The following TDP2 variants were observed in gnomAD, a reference collection of about 807,000 sequenced individuals.
TDP2 encodes the protein tyrosyl-DNA phosphodiesterase 2.
TDP2 carries 38 observed loss-of-function variants against 42.8 expected under a neutral mutation model. The observed-to-expected ratio is 0.89, with a 90% CI of 0.68 to 1.16. TDP2 has a LOEUF of 1.16. Among genes scored for constraint, TDP2 ranks in the 50% most tolerant of loss-of-function variants. The pLI is 0.00. For missense variants in TDP2, 439 were observed against 439.3 expected (o/e 1.00, Z 0.01); for synonymous variants, 173 against 150.6 (o/e 1.15, Z -1.09).
intron 2 of TDP2, 177 bp downstream of exon 2, chr6:24,666,349 G>C: frequency 1.4e-6 from 2 of 1,480,378 alleles, no homozygotes; most frequent in Non-Finnish European, 1.8e-6. Flanking sequence ...TAGATCCGCT[G>C]CTGGGGCGCA....
intron 5 of TDP2, among the ~76,000 whole-genome samples, 190 bp downstream of exon 5, chr6:24,654,222 C>G (rs1778022199): frequency 6.6e-6 from 1 of 152,080 alleles, no homozygotes; most frequent in African/African-American, 2.4e-5. Context: ...AAACAATAGA[C>G]TGAGAATTCT....
chr6:24,659,459 A>C (rs1023020619), intron 2 of TDP2, among the ~76,000 whole-genome samples: 5 of 152,100 alleles, frequency 3.3e-5, no homozygotes, highest in Admixed American at 2.0e-4. Flanking sequence ...AAACCTTCTA[A>C]ATTGATTTAG....
chr6:24,666,634 A>G lies in TDP2; in HGVS notation c.166-23T>C, dbSNP rs574259087. ...CCTCTGAAAAACAAAGGCACAAGGG[A>G]TGAGGTTTGTGCGCTCCACCGACCT... is the stretch of plus-strand genomic sequence containing the variant. On this transcript the variant is annotated intron_variant, in intron 1 of 6. Coordinates refer to ENST00000378198, the MANE Select transcript of TDP2 (RefSeq NM_016614.3). 7 of 1,614,028 alleles carry G rather than the reference A, an allele frequency of 4.3e-6. No homozygotes were observed. In the East Asian group the frequency reaches 1.6e-4, roughly 36 times the overall value.
chr6:24,652,632 C>T (rs1354222300), intron 6 of TDP2, among the ~76,000 whole-genome samples: 4 of 151,936 alleles, frequency 2.6e-5, no homozygotes, highest in Non-Finnish European at 5.9e-5. Context: ...CCAATCTTTC[C>T]ATTGTTCTCA....
At chr6:24,656,106 G>A (rs563761439) in intron 4 of TDP2, among the ~76,000 whole-genome samples, 2 of 152,190 alleles carry the variant, frequency 1.3e-5, no homozygotes, top group South Asian at 4.1e-4. Context: ...TAAAAACAAT[G>A]CAGGGAAAGA....
intron 2 of TDP2, chr6:24,665,952 TAA>T: frequency 1.1e-6 from 1 of 880,838 alleles, no homozygotes; most frequent in Middle Eastern, 3.3e-4. Flanking sequence ...TGGAAAAAAG[TAA>T]AAGTTTGATA....
rs529904089 is a variant in TDP2, at chr6:24,653,163, G to A, written c.637-10C>T. The A allele has an allele frequency of 3.7e-6, 6 of 1,613,578 alleles. No individual in the cohort carries two copies. The highest frequency in any genetic ancestry group is 1.6e-4 in the Middle Eastern group (1 of 6,062). On this transcript the variant is annotated splice_polypyrimidine_tract_variant and intron_variant, in intron 5 of 6. Transcript: ENST00000378198. ...TTCCTGACACGTTCACCTGCAGCAG[G>A]ACAAACAGTCATTAAAACTGTCCAC...
intron 3 of TDP2, 48 bp downstream of exon 3, chr6:24,658,513 G>T: frequency 6.9e-7 from 1 of 1,459,522 alleles, no homozygotes; most frequent in Non-Finnish European, 9.3e-7. Flanking sequence ...CTGTTACTTT[G>T]TATATACATA....
chr6:24,666,046 G>A, intron 2 of TDP2: 1 of 1,497,712 alleles, frequency 6.7e-7, no homozygotes, highest in Non-Finnish European at 8.9e-7. Flanking sequence ...CTTTTTAAGT[G>A]CAGGAACTGG....
chr6:24,666,672 C>A (rs773122729), intron 1 of TDP2, 26 bp downstream of exon 1: 20 of 1,613,990 alleles, frequency 1.2e-5, no homozygotes, highest in African/African-American at 2.7e-5. Context: ...GTAATGGAGC[C>A]GGAAGCGAGG....
At chr6:24,651,339 T>G (rs1777971637) in intron 6 of TDP2, among the ~76,000 whole-genome samples, 1 of 152,178 alleles carries the variant, frequency 6.6e-6, no homozygotes, top group South Asian at 2.1e-4. Flanking sequence ...CTTAGAAGGC[T>G]GAATATACAT....
chr6:24,666,133 G>C, intron 2 of TDP2: 1 of 1,548,616 alleles, frequency 6.5e-7, no homozygotes. Flanking sequence ...TATTCTGGCC[G>C]GTCAGCCTAG....
At chr6:24,661,651 T>C (rs939753574) in intron 2 of TDP2, among the ~76,000 whole-genome samples, 2 of 152,244 alleles carry the variant, frequency 1.3e-5, no homozygotes, top group Admixed American at 1.3e-4. Flanking sequence ...TAGATGAACT[T>C]AATGTCAATT....
intron 6 of TDP2, 71 bp from the exon 7 acceptor site, chr6:24,651,140 AAG>A (rs1466430637): frequency 5.6e-6 from 7 of 1,257,970 alleles, no homozygotes; most frequent in African/African-American, 3.0e-5. Flanking sequence ...AAAAAAAAAA[AAG>A]GTGTTTTTGC....
intron 6 of TDP2, among the ~76,000 whole-genome samples, chr6:24,652,725 A>C (rs1340426088): frequency 6.7e-6 from 1 of 149,944 alleles, no homozygotes; most frequent in East Asian, 1.9e-4. Flanking sequence ...TTCTAATCCT[A>C]TATATATATA....
chr6:24,657,925 T>C, intron 3 of TDP2, 22 bp from the exon 4 acceptor site: 2 of 1,434,168 alleles, frequency 1.4e-6, no homozygotes, highest in Non-Finnish European at 9.6e-7. Context: ...CATCAATTTA[T>C]GACAAATACC....
At position 24,653,093 on chromosome 6, in the gene TDP2, G is replaced by A. The variant is rs1377771801; in HGVS notation, c.697C>T (p.His233Tyr). ...MTSHLESTRG[H>Y]AAERMNQLKM... ...AACTGATTCATTCGTTCCGCAGCATGCCCTCTGGTGCTCTCCAAATGGGAT... is the reference window on the plus strand; with the variant it reads ...AACTGATTCATTCGTTCCGCAGCATACCCTCTGGTGCTCTCCAAATGGGAT... The change falls in exon 6 of 7, where the codon CAT becomes TAT. Residue 233 changes from histidine (H) to tyrosine (Y), a missense_variant. Transcript: ENST00000378198. The A allele has an allele frequency of 1.2e-6, 2 of 1,614,124 alleles. No homozygotes were observed. The highest frequency in any genetic ancestry group is 1.1e-5 in the South Asian group (1 of 91,082).
At chr6:24,661,077 T>G (rs1239231912) in intron 2 of TDP2, among the ~76,000 whole-genome samples, 1 of 152,226 alleles carries the variant, frequency 6.6e-6, no homozygotes, top group East Asian at 1.9e-4. Context: ...TAGTAAGTAT[T>G]TTGTGGGAAA....
rs1778097593 is a variant in TDP2, at chr6:24,658,839, C to T, written c.252-105G>A. 7 of 1,186,252 alleles carry T rather than the reference C, an allele frequency of 5.9e-6. No individual in the cohort carries two copies. In the South Asian group the frequency reaches 9.1e-5, roughly 15 times the overall value. 73.5% of individuals were successfully genotyped at this position (1,186,252 alleles called of 1,614,324 possible). A position where few individuals can be genotyped will look rare whatever the true frequency, so the allele number is the denominator to read the frequency against. On this transcript the variant is annotated intron_variant, in intron 2 of 6. Transcript: ENST00000378198. ...TTTTACAGACAAATTTTAAAAGAGCCCTAAAAGTGACACTGTCCTTACAGG... is the reference window on the plus strand; with the variant it reads ...TTTTACAGACAAATTTTAAAAGAGCTCTAAAAGTGACACTGTCCTTACAGG...
Sources: allele counts gnomAD v4.1 joint callset (sites outside exome capture counted in the v4.1 genomes callset), GRCh38; gene constraint gnomAD v4.1.1; transcripts MANE v1.5; gene names NCBI Gene and HGNC (gene_info 2026-07-23, HGNC 2026-07-21).